PNLIPRP3: variants seen among roughly 807,000 people sequenced by gnomAD.
PNLIPRP3 encodes pancreatic lipase-related protein 3.
In PNLIPRP3, 58 loss-of-function variants were observed where a neutral mutation model predicts 52.8. The ratio of observed to expected loss-of-function variants is 1.10; its 90% CI spans 0.89 to 1.37. The LOEUF (loss-of-function observed/expected upper bound fraction) is 1.37, where lower values mean the gene tolerates loss of function less well. Ranked by LOEUF, PNLIPRP3 falls within the 40% of genes most tolerant of loss-of-function variation. The pLI is 0.00. For missense variants in PNLIPRP3, 593 were observed against 561.6 expected, an observed-to-expected ratio of 1.06 and a Z score of -0.57; for synonymous variants, 192 against 185.0, an observed-to-expected ratio of 1.04 and a Z score of -0.31.
chr10:116,434,119 A>G (rs988675023), intron 1 of PNLIPRP3, among the ~76,000 whole-genome samples: 8 of 152,210 alleles, frequency 5.3e-5, no homozygotes, highest in African/African-American at 1.9e-4. Flanking sequence ...GTAAGACAAA[A>G]AGAAAAAACC....
chr10:116,444,527 A>T lies in PNLIPRP3; in HGVS notation c.456+14A>T. 6.3e-7 allele frequency: 1 copy of T among 1,596,684 alleles called. No homozygotes were observed. Among genetic ancestry groups the T allele is most frequent in the Non-Finnish European group, 8.5e-7 (1 of 1,171,412 alleles). ...GATGTTCTCATGGTAAGAAGAGTTG[A>T]TTTTTTTTTAATTATATTGAATTGG... On this transcript the variant is annotated intron_variant, in intron 4 of 11. Coordinates refer to ENST00000369230, the MANE Select transcript of PNLIPRP3 (RefSeq NM_001011709.3).
At chr10:116,449,174 G>A (rs896715889) in intron 4 of PNLIPRP3, among the ~76,000 whole-genome samples, 14 of 152,274 alleles carry the variant, frequency 9.2e-5, no homozygotes, top group Admixed American at 8.5e-4. Context: ...ACTCCAGCCT[G>A]ACTGGCAGAG....
chr10:116,451,553 T>C (rs1378188397), intron 4 of PNLIPRP3, among the ~76,000 whole-genome samples: 1 of 152,142 alleles, frequency 6.6e-6, no homozygotes, highest in East Asian at 1.9e-4. Flanking sequence ...AATGGCTTAG[T>C]GCCATCCTCT....
At chr10:116,468,127 A>C (rs1046986450) in intron 8 of PNLIPRP3, among the ~76,000 whole-genome samples, 2 of 12,774 alleles carry the variant, frequency 1.6e-4, no homozygotes, top group South Asian at 5.0e-3. Context: ...TCTGTCTCGC[A>C]AAAAAAAAAA....
At chr10:116,473,270 C>T (rs1846403377) in intron 10 of PNLIPRP3, among the ~76,000 whole-genome samples, 1 of 152,186 alleles carries the variant, frequency 6.6e-6, no homozygotes, top group Non-Finnish European at 1.5e-5. Context: ...TAGTTCTATT[C>T]TTCAAACAAG....
intron 4 of PNLIPRP3, among the ~76,000 whole-genome samples, chr10:116,452,676 C>T (rs2133132447): frequency 6.6e-6 from 1 of 152,354 alleles, no homozygotes; most frequent in East Asian, 1.9e-4. Flanking sequence ...CCAGATACAG[C>T]TTAGAACACA....
At chr10:116,462,458 C>T (rs923332903) in intron 7 of PNLIPRP3, among the ~76,000 whole-genome samples, 4 of 151,812 alleles carry the variant, frequency 2.6e-5, no homozygotes, top group African/African-American at 9.7e-5. Context: ...AGGAAAGATA[C>T]AGAGATCATA....
chr10:116,428,212 G>T, intron 1 of PNLIPRP3, 151 bp downstream of exon 1: 2 of 591,696 alleles, frequency 3.4e-6, no homozygotes, highest in South Asian at 2.5e-5. Context: ...TTAAAATATT[G>T]GCTGCTTATA....
intron 7 of PNLIPRP3, among the ~76,000 whole-genome samples, chr10:116,464,606 T>C (rs1378891691): frequency 6.6e-6 from 1 of 152,184 alleles, no homozygotes; most frequent in African/African-American, 2.4e-5. Context: ...CCAGGCATAC[T>C]GCAAGCAGCT....
chr10:116,476,382 C>A (rs1167955778), intron 10 of PNLIPRP3, among the ~76,000 whole-genome samples: 1 of 152,188 alleles, frequency 6.6e-6, no homozygotes, highest in Non-Finnish European at 1.5e-5. Context: ...AAGACCAGAT[C>A]TTTCACTATG....
intron 3 of PNLIPRP3, 62 bp from the exon 4 acceptor site, chr10:116,444,320 T>G: frequency 2.1e-6 from 3 of 1,398,692 alleles, no homozygotes; most frequent in Non-Finnish European, 2.9e-6. Flanking sequence ...AATCAAGTGT[T>G]GAGACACGTC....
intron 2 of PNLIPRP3, among the ~76,000 whole-genome samples, chr10:116,439,150 C>T (rs1297815012): frequency 6.6e-6 from 1 of 152,190 alleles, no homozygotes; most frequent in Non-Finnish European, 1.5e-5. Flanking sequence ...ACTGAGTTTG[C>T]ACTTTAAAAT....
At chr10:116,449,571 G>A (rs1846006168) in intron 4 of PNLIPRP3, among the ~76,000 whole-genome samples, 2 of 152,138 alleles carry the variant, frequency 1.3e-5, no homozygotes, top group Admixed American at 1.3e-4. Flanking sequence ...CCCAACACCA[G>A]AGTACCTAAA....
intron 2 of PNLIPRP3, chr10:116,439,493 T>G (rs1359794538): frequency 2.7e-6 from 2 of 735,254 alleles, no homozygotes; most frequent in Non-Finnish European, 4.8e-6. Context: ...CCTCCCCGTC[T>G]TCTTCATCCT....
chr10:116,448,997 T>C lies in PNLIPRP3; in HGVS notation c.456+4484T>C, dbSNP rs557425921. Among the ~76,000 whole-genome samples, 5 of 136,230 alleles carry C rather than the reference T, an allele frequency of 3.7e-5. No homozygotes were observed. In the East Asian group the frequency reaches 1.1e-3, roughly 29 times the overall value. 89.4% of individuals were successfully genotyped at this position (136,230 alleles called of 152,430 possible). On this transcript the variant is annotated intron_variant, in intron 4 of 11. Transcript: ENST00000369230. Reference sequence around the variant, plus strand: ...TGCCATTACACTCCAGCCTTGGCAATAGAGCAAGACTCCATCTCAAAAAAA... The same window carrying C: ...TGCCATTACACTCCAGCCTTGGCAACAGAGCAAGACTCCATCTCAAAAAAA...
chr10:116,466,238 AT>A, intron 8 of PNLIPRP3, 70 bp downstream of exon 8: 1 of 1,172,700 alleles, frequency 8.5e-7, no homozygotes, highest in Non-Finnish European at 1.2e-6. Flanking sequence ...CCAGCTAAAC[AT>A]TAGGGCTTTG....
intron 10 of PNLIPRP3, among the ~76,000 whole-genome samples, chr10:116,476,041 T>C (rs1021575822): frequency 6.6e-6 from 1 of 152,062 alleles, no homozygotes; most frequent in African/African-American, 2.4e-5. Context: ...TTTTGCATGA[T>C]GGGGAAAAAA....
intron 1 of PNLIPRP3, among the ~76,000 whole-genome samples, chr10:116,429,508 C>A (rs1354299393): frequency 6.6e-6 from 1 of 152,208 alleles, no homozygotes; most frequent in African/African-American, 2.4e-5. Context: ...TGTGTAACAT[C>A]TTGGCGCTAG....
intron 5 of PNLIPRP3, among the ~76,000 whole-genome samples, chr10:116,458,910 G>C (rs892388976): frequency 6.6e-6 from 1 of 152,120 alleles, no homozygotes; most frequent in East Asian, 1.9e-4. Context: ...TTTCCTTAGG[G>C]TTCATTCTCT....
Sources: gnomAD v4.1 joint callset for allele counts (sites outside exome capture counted in the v4.1 genomes callset) on GRCh38, gnomAD v4.1.1 for gene constraint, MANE v1.5 for transcripts, NCBI Gene and HGNC (gene_info 2026-07-23, HGNC 2026-07-21) for gene names.